Variants in ST6GALNAC4 observed in about 807,000 individuals in gnomAD.
The protein encoded by ST6GALNAC4 is alpha-N-acetyl-neuraminyl-2,3-beta-galactosyl-1,3-N-acetyl-galactosaminide alpha-2,6-sialyltransferase.
ST6GALNAC4 carries 24 observed loss-of-function variants against 30.4 expected under a neutral mutation model. That is an observed-to-expected ratio of 0.79 (90% CI 0.57 to 1.11). ST6GALNAC4 has a LOEUF of 1.11. ST6GALNAC4 is among the 50% of genes most tolerant of loss of function. ST6GALNAC4 has a pLI of 0.00. For synonymous variants in ST6GALNAC4, 156 were observed against 179.7 expected (o/e 0.87, Z 1.05); for missense variants, 365 against 430.1 (o/e 0.85, Z 1.34).
At chr9:127,914,546 G>T in intron 3 of ST6GALNAC4, 110 bp downstream of exon 3, 15 of 300,086 alleles carry the variant, frequency 5.0e-5, no homozygotes, top group East Asian at 1.2e-4. Flanking sequence ...GAGGTGATGT[G>T]ATTGGCCAGG....
At position 127,912,441 on chromosome 9, in the gene ST6GALNAC4, C is replaced by T. The variant is rs74997967; in HGVS notation, c.438G>A (p.Thr146=). 8.6e-3 allele frequency: 13,852 copies of T among 1,614,106 alleles called. 149 individuals are homozygous for T. Among genetic ancestry groups the T allele is most frequent in the South Asian group, 0.039 (3,524 of 91,074 alleles). The stretch of plus-strand genomic sequence containing the variant: ...TGCCCTGGCCCCACACCATGTAGAG[C>T]GTGTCTCGGGCCTTCTGGAAGTAGT... ...YSHYFQKARD[T]LYMVWGQGRH... Residue 146 remains threonine, a synonymous_variant, in exon 4 of 6, where the codon ACG becomes ACA. Coordinates refer to ENST00000335791, the MANE Select transcript of ST6GALNAC4 (RefSeq NM_175039.4).
chr9:127,916,316 G>A, intron 2 of ST6GALNAC4, 92 bp downstream of exon 2: 1 of 1,547,790 alleles, frequency 6.5e-7, no homozygotes, highest in Admixed American at 1.7e-5. Context: ...GAGGTCAGAA[G>A]TGGCAGTGGG....
At chr9:127,912,803 G>A in intron 3 of ST6GALNAC4, 123 bp from the exon 4 acceptor site, 2 of 1,219,874 alleles carry the variant, frequency 1.6e-6, no homozygotes, top group South Asian at 3.2e-5. Flanking sequence ...GGACTGTTAT[G>A]AACCCATTTT....
rs1831154373 is a variant in ST6GALNAC4 at position 127,914,655 on chromosome 9, C to T, written c.198+1G>A. On this transcript the variant is annotated splice_donor_variant, in intron 3 of 5. Transcript: ENST00000335791. LOFTEE classifies it high-confidence loss of function. The stretch of plus-strand genomic sequence containing the variant: ...CCGGATGCATTGCCTGGCCCACTCA[C>T]CTTCCCATCTGGCACACTGCTATAT... 7 of 1,607,018 alleles carry T rather than the reference C, an allele frequency of 4.4e-6. No homozygotes were observed. Among genetic ancestry groups the T allele is most frequent in the Non-Finnish European group, 5.9e-6 (7 of 1,176,996 alleles).
rs143884659 is a variant in ST6GALNAC4, at chr9:127,912,285, G to T, written c.594C>A (p.Asp198Glu). ...MMAYCDQIFQ[D>E]ETGKNRRQSG... ...AGGCTCACCGGTTCTTGCCCGTCTCGTCCTGGAAGATCTGGTCGCAGTAGG... is the reference window on the plus strand; with the variant it reads ...AGGCTCACCGGTTCTTGCCCGTCTCTTCCTGGAAGATCTGGTCGCAGTAGG... Residue 198 changes from aspartate to glutamate, a missense_variant, in exon 4 of 6, where the codon GAC (aspartate) becomes GAA (glutamate). Physicochemically the swap from Asp to Glu is conservative, Grantham distance 45. Coordinates refer to ENST00000335791, the MANE Select transcript of ST6GALNAC4 (RefSeq NM_175039.4). 2 of 1,611,360 alleles carry T rather than the reference G, an allele frequency of 1.2e-6. No individual in the cohort carries two copies. The highest frequency in any genetic ancestry group is 1.7e-6 in the Non-Finnish European group (2 of 1,178,458).
chr9:127,914,862 G>T lies in ST6GALNAC4; in HGVS notation c.13-21C>A, dbSNP rs773104008. On this transcript the variant is annotated intron_variant, in intron 2 of 5. Transcript: ENST00000335791. ...CGACCCTGAGGGAGACAGTGGCCAT[G>T]GGGGGGTGTATGTGGGGAGGGGCTC... 3.5e-6 allele frequency: 5 copies of T among 1,446,154 alleles called. No homozygotes were observed. The South Asian group carries it at 4.4e-5, about 13-fold the overall frequency. The allele number at this position is 1,446,154 out of a possible 1,614,324, so 89.6% of individuals were successfully genotyped here. A position where few individuals can be genotyped will look rare whatever the true frequency, so the allele number is the denominator to read the frequency against.
In ST6GALNAC4 at chr9:127,909,650, C is replaced by T. The variant is rs559931248; in HGVS notation, c.719+301G>A. On this transcript the variant is annotated intron_variant, in intron 5 of 5. Coordinates refer to ENST00000335791, the MANE Select transcript of ST6GALNAC4 (RefSeq NM_175039.4). Reference sequence around the variant, plus strand: ...CCTCCCTAAATGTTTCAACAACCTTCCAAGTAAGATGTGGTTCTTTTCTCT... The same window carrying T: ...CCTCCCTAAATGTTTCAACAACCTTTCAAGTAAGATGTGGTTCTTTTCTCT... Among the ~76,000 whole-genome samples, 95 of 151,988 alleles carry T rather than the reference C, an allele frequency of 6.3e-4. 1 individual carries two copies. The highest frequency in any genetic ancestry group is 2.2e-3 in the African/African-American group (93 of 41,454).
Position 127,908,358 on chromosome 9 carries a change from C to A in ST6GALNAC4, c.*34G>T, listed in dbSNP as rs372922711. On this transcript the variant is annotated 3_prime_UTR_variant, in exon 6 of 6. Transcript: ENST00000335791. ...TTGGGATGGGACATCCCGGAGGCCT[C>A]GCAACGGCATGGCGACTGGCAGGAC... 2 of 1,506,934 alleles carry A rather than the reference C, an allele frequency of 1.3e-6. No individual in the cohort carries two copies. The highest frequency in any genetic ancestry group is 2.7e-5 in the South Asian group (2 of 74,092). 93.3% of individuals were successfully genotyped at this position (1,506,934 alleles called of 1,614,324 possible).
chr9:127,911,221 G>T (rs1831067170), intron 4 of ST6GALNAC4, among the ~76,000 whole-genome samples: 1 of 152,186 alleles, frequency 6.6e-6, no homozygotes, highest in South Asian at 2.1e-4. Context: ...GGGGCGGGAA[G>T]CCTAAGTCAA....
chr9:127,909,355 C>T (rs1284806587), intron 5 of ST6GALNAC4, among the ~76,000 whole-genome samples: 4 of 150,456 alleles, frequency 2.7e-5, no homozygotes, highest in East Asian at 3.9e-4. Context: ...CGCCACTGCA[C>T]TCCAGCCTGG....
At chr9:127,910,794 A>G (rs1831059244) in intron 4 of ST6GALNAC4, among the ~76,000 whole-genome samples, 1 of 152,234 alleles carries the variant, frequency 6.6e-6, no homozygotes, top group East Asian at 1.9e-4. Flanking sequence ...ATCTGGTGCT[A>G]ACATTCCACG....
At chr9:127,912,785 G>A (rs1012125390) in intron 3 of ST6GALNAC4, 105 bp from the exon 4 acceptor site, 15 of 1,350,172 alleles carry the variant, frequency 1.1e-5, no homozygotes, top group South Asian at 1.5e-5. Context: ...ATCAGGTATC[G>A]GCTTGAAGGA....
chr9:127,909,862 C>T lies in ST6GALNAC4; in HGVS notation c.719+89G>A, dbSNP rs1039267140. The T allele has an allele frequency of 7.0e-6, 9 of 1,289,892 alleles. No individual in the cohort carries two copies. The African/African-American group carries it at 1.2e-4, about 17-fold the overall frequency. 79.9% of individuals were successfully genotyped at this position (1,289,892 alleles called of 1,614,324 possible). A position where few individuals can be genotyped will look rare whatever the true frequency, so the allele number is the denominator to read the frequency against. On this transcript the variant is annotated intron_variant, in intron 5 of 5. Coordinates refer to ENST00000335791, the MANE Select transcript of ST6GALNAC4 (RefSeq NM_175039.4). The stretch of plus-strand genomic sequence containing the variant: ...ACCATGAAGCCCACACTCCCTCTGC[C>T]CCCACAGCTCCCAAATCCTCTGGTT...
At chr9:127,910,464 T>G (rs529485296) in intron 4 of ST6GALNAC4, 2 of 1,024,994 alleles carry the variant, frequency 2.0e-6, no homozygotes, top group African/African-American at 3.4e-5. Flanking sequence ...GATCTTCCAC[T>G]TGAACCCTGG....
At chr9:127,916,562 C>T (rs1005675342) in intron 1 of ST6GALNAC4, 68 bp from the exon 2 acceptor site, 53 of 960,546 alleles carry the variant, frequency 5.5e-5, no homozygotes, top group Non-Finnish European at 8.2e-5. Flanking sequence ...ATAGGGAAAA[C>T]TGAGGCAGGA....
At chr9:127,912,805 AC>A in intron 3 of ST6GALNAC4, 125 bp from the exon 4 acceptor site, 1 of 1,193,504 alleles carries the variant, frequency 8.4e-7, no homozygotes, top group East Asian at 2.6e-5. Flanking sequence ...ACTGTTATGA[AC>A]CCATTTTGCA....
Position 127,914,683 on chromosome 9 carries a change from A to G in ST6GALNAC4, c.171T>C (p.Ser57=), listed in dbSNP as rs755237874. 1 of 1,612,794 alleles carries G rather than the reference A, an allele frequency of 6.2e-7. No individual in the cohort carries two copies. The highest frequency in any genetic ancestry group is 8.5e-7 in the Non-Finnish European group (1 of 1,179,414). ...TCCCATCTGGCACACTGCTATATCCACTGAAGTGCAGGGGTCCCGGCACAG... is the reference window on the plus strand; with the variant it reads ...TCCCATCTGGCACACTGCTATATCCGCTGAAGTGCAGGGGTCCCGGCACAG... ...RPTVPGPLHF[S]GYSSVPDGKP... The change falls in exon 3 of 6, where the codon AGT becomes AGC. Residue 57 remains serine (S), a synonymous_variant. Coordinates refer to ENST00000335791, the MANE Select transcript of ST6GALNAC4 (RefSeq NM_175039.4).
chr9:127,911,520 GT>G, intron 4 of ST6GALNAC4, among the ~76,000 whole-genome samples: 1 of 152,304 alleles, frequency 6.6e-6, no homozygotes, highest in Non-Finnish European at 1.5e-5. Context: ...GTCTCGCTCT[GT>G]CACCCAGGCT....
chr9:127,916,790 A>T, intron 1 of ST6GALNAC4, 36 bp downstream of exon 1: 1 of 265,256 alleles, frequency 3.8e-6, no homozygotes, highest in Non-Finnish European at 7.6e-6. Context: ...GGGCAGAGAG[A>T]GCCAGAAGCC....
Sources: gnomAD v4.1 joint callset for allele counts (sites outside exome capture counted in the v4.1 genomes callset) on GRCh38, gnomAD v4.1.1 for gene constraint, MANE v1.5 for transcripts, NCBI Gene and HGNC (gene_info 2026-07-23, HGNC 2026-07-21) for gene names.